ZNF585A: variants seen among roughly 807,000 people sequenced by gnomAD.
ZNF585A encodes zinc finger protein 585A.
ZNF585A carries 9 observed loss-of-function variants against 14.9 expected under a neutral mutation model. The ratio of observed to expected loss-of-function variants is 0.60; its 90% CI spans 0.36 to 1.05. The LOEUF (loss-of-function observed/expected upper bound fraction) is 1.05. Ranked by LOEUF, ZNF585A falls within the 50% of genes least tolerant of loss-of-function variation. The pLI is 0.01. For missense variants in ZNF585A, 726 were observed against 926.4 expected (o/e 0.78, Z 2.81); for synonymous variants, 276 against 319.9 (o/e 0.86, Z 1.46).
chr19:37,172,063 G>T (rs1972191602), intron 1 of ZNF585A, among the ~76,000 whole-genome samples: 1 of 152,040 alleles, frequency 6.6e-6, no homozygotes, highest in African/African-American at 2.4e-5. Flanking sequence ...TATATTTTTT[G>T]AATATATGCT....
intron 2 of ZNF585A, 114 bp downstream of exon 2, chr19:37,169,725 T>C (rs1972151452): frequency 9.0e-6 from 11 of 1,218,108 alleles, no homozygotes; most frequent in Non-Finnish European, 1.3e-5. Context: ...AGGTCTAGAG[T>C]CCAGCTGCTT....
chr19:37,151,762 T>C lies in ZNF585A; in HGVS notation c.2137A>G (p.Thr713Ala). 1.2e-6 allele frequency: 2 copies of C among 1,614,094 alleles called. No homozygotes were observed. Among genetic ancestry groups the C allele is most frequent in the Admixed American group, 1.7e-5 (1 of 60,006 alleles). Residue 713 changes from threonine to alanine, a missense_variant, in exon 5 of 5, where the codon ACT becomes GCT. Coordinates refer to ENST00000292841, the MANE Select transcript of ZNF585A (RefSeq NM_001288800.2). ...SQLQVHQRIH[T>A]GEKPYVCAEC... ...GCACACACGTAAGGCTTCTCTCCAG[T>C]GTGAATTCGCTGATGCACTTGGAGC...
At chr19:37,164,352 G>GAGATTGCA (rs1271732453) in intron 2 of ZNF585A, among the ~76,000 whole-genome samples, 2 of 151,804 alleles carry the variant, frequency 1.3e-5, no homozygotes, top group African/African-American at 2.4e-5. Context: ...GCAGTGAGCC[G>GAGATTGCA]AGATTGCACC....
At position 37,164,831 on chromosome 19, in the gene ZNF585A, C is replaced by T. The variant is rs569465575; in HGVS notation, c.72+5008G>A. 6.6e-5 allele frequency among the ~76,000 whole-genome samples: 10 copies of T among 152,234 alleles called. No homozygotes were observed. In the East Asian group the frequency reaches 1.9e-3, roughly 29 times the overall value. ...GTATCACAGGTGCCCCACCACCACACTCAGTTAATTTTGGTTTTTGTTGTA... is the reference window on the plus strand; with the variant it reads ...GTATCACAGGTGCCCCACCACCACATTCAGTTAATTTTGGTTTTTGTTGTA... On this transcript the variant is annotated intron_variant, in intron 2 of 4. Transcript: ENST00000292841.
In ZNF585A at chr19:37,148,862, AC is replaced by A. The variant is rs2145391895; in HGVS notation, c.*2726del. The A allele has an allele frequency of 6.6e-6, 1 of 152,310 alleles. No homozygotes were observed. The highest frequency in any genetic ancestry group is 2.4e-5 in the African/African-American group (1 of 41,584). The allele number at this position is 152,310 out of a possible 1,614,324, so 9.4% of individuals were successfully genotyped here. ...CAAGCCATGAAAAGACATGGAGGAAACTGAAATCCACATTACTAAGTGAAAG... is the reference window on the plus strand; with the variant it reads ...CAAGCCATGAAAAGACATGGAGGAAATGAAATCCACATTACTAAGTGAAAG... On this transcript the variant is annotated 3_prime_UTR_variant, in exon 5 of 5. Coordinates refer to ENST00000292841, the MANE Select transcript of ZNF585A (RefSeq NM_001288800.2).
intron 2 of ZNF585A, among the ~76,000 whole-genome samples, chr19:37,159,316 G>A (rs1971979894): frequency 1.3e-5 from 2 of 150,820 alleles, no homozygotes; most frequent in South Asian, 4.2e-4. Context: ...GACAATCGGT[G>A]AAAGGGATCT....
chr19:37,168,338 G>GC (rs1490240184), intron 2 of ZNF585A, among the ~76,000 whole-genome samples: 3 of 152,128 alleles, frequency 2.0e-5, no homozygotes, highest in African/African-American at 7.2e-5. Context: ...AGCTAGCCTG[G>GC]CAGGGGCCAG....
chr19:37,172,198 C>A (rs1210116290), intron 1 of ZNF585A, among the ~76,000 whole-genome samples: 1 of 152,104 alleles, frequency 6.6e-6, no homozygotes, highest in African/African-American at 2.4e-5. Flanking sequence ...GACCATTAAA[C>A]AGACATTACT....
intron 2 of ZNF585A, among the ~76,000 whole-genome samples, chr19:37,163,080 C>T (rs1362069372): frequency 6.6e-6 from 1 of 151,990 alleles, no homozygotes; most frequent in Non-Finnish European, 1.5e-5. Context: ...GAACCCCCAG[C>T]CCCCAAAACT....
intron 4 of ZNF585A, among the ~76,000 whole-genome samples, chr19:37,154,468 AGT>A (rs1271276812): frequency 6.6e-6 from 1 of 152,212 alleles, no homozygotes; most frequent in African/African-American, 2.4e-5. Flanking sequence ...TCATGATGAT[AGT>A]GTGTCTTAAA....
chr19:37,155,798 T>C, intron 4 of ZNF585A, 67 bp downstream of exon 4: 1 of 1,536,728 alleles, frequency 6.5e-7, no homozygotes, highest in Non-Finnish European at 9.0e-7. Context: ...AGGGTGTTGG[T>C]GTTTCTCAAG....
intron 2 of ZNF585A, among the ~76,000 whole-genome samples, chr19:37,156,853 G>A (rs933435972): frequency 2.0e-5 from 3 of 152,030 alleles, no homozygotes; most frequent in Non-Finnish European, 2.9e-5. Context: ...CACCATGCCC[G>A]GCTAATTTTT....
Position 37,153,613 on chromosome 19 carries a change from G to A in ZNF585A, c.293-7C>T. On this transcript the variant is annotated splice_region_variant and splice_polypyrimidine_tract_variant and intron_variant, in intron 4 of 4. Transcript: ENST00000292841. ...TGGTCCCATAATTTCTCTCCTGTTG[G>A]AATACACTCATGGTTACTATAGGAA... 6.3e-7 allele frequency: 1 copy of A among 1,592,434 alleles called. No individual in the cohort carries two copies. Among genetic ancestry groups the A allele is most frequent in the Non-Finnish European group, 8.6e-7 (1 of 1,165,930 alleles).
chr19:37,152,759 T>A lies in ZNF585A; in HGVS notation c.1140A>T (p.Lys380Asn). Residue 380 changes from lysine to asparagine, a missense_variant, in exon 5 of 5, where the codon AAA becomes AAT. Physicochemically the swap from Lys to Asn is moderately conservative, Grantham distance 94. This residue lies in a region of ZNF585A where 483 missense variants were observed against 542.8 expected (regional missense o/e 0.89). Coordinates refer to ENST00000292841, the MANE Select transcript of ZNF585A (RefSeq NM_001288800.2). ...IIHQRIHTGEKPYECSDCGKA... is the reference protein window; with the variant it reads ...IIHQRIHTGENPYECSDCGKA... ...TCCCACAGTCACTGCATTCATAAGG[T>A]TTCTCTCCAGTGTGAATTCTCTGAT... 6.2e-7 allele frequency: 1 copy of A among 1,614,150 alleles called. No homozygotes were observed. Among genetic ancestry groups the A allele is most frequent in the South Asian group, 1.1e-5 (1 of 91,078 alleles).
At position 37,152,662 on chromosome 19, in the gene ZNF585A, T is replaced by C. The variant is rs1971854965; in HGVS notation, c.1237A>G (p.Met413Val). 1.4e-5 allele frequency: 22 copies of C among 1,614,038 alleles called. No homozygotes were observed. The highest frequency in any genetic ancestry group is 1.9e-5 in the Non-Finnish European group (22 of 1,179,932). ...TGAATGAAGGCCAGTCCACATTTCATGCATATATACGATTTTTCTCCTGTA... is the reference window on the plus strand; with the variant it reads ...TGAATGAAGGCCAGTCCACATTTCACGCATATATACGATTTTTCTCCTGTA... ...IHTGEKSYIC[M>V]KCGLAFIQKA... The change falls in exon 5 of 5, where the codon ATG (methionine) becomes GTG (valine). Residue 413 changes from methionine (M) to valine (V), a missense_variant. Coordinates refer to ENST00000292841, the MANE Select transcript of ZNF585A (RefSeq NM_001288800.2).
At chr19:37,158,032 C>A (rs994922763) in intron 2 of ZNF585A, among the ~76,000 whole-genome samples, 1 of 151,672 alleles carries the variant, frequency 6.6e-6, no homozygotes, top group South Asian at 2.1e-4. Context: ...GGATTACAGG[C>A]GCACGCCACC....
chr19:37,159,952 G>C (rs1427898017), intron 2 of ZNF585A, among the ~76,000 whole-genome samples: 1 of 152,094 alleles, frequency 6.6e-6, no homozygotes, highest in Admixed American at 6.6e-5. Context: ...GTAAAGCAAG[G>C]CTGAGAGGGA....
At chr19:37,158,693 A>G (rs1489855388) in intron 2 of ZNF585A, among the ~76,000 whole-genome samples, 1 of 152,232 alleles carries the variant, frequency 6.6e-6, no homozygotes, top group Non-Finnish European at 1.5e-5. Flanking sequence ...GTGGACTTTC[A>G]CTAATTAAAA....
intron 1 of ZNF585A, among the ~76,000 whole-genome samples, chr19:37,170,664 C>T (rs562740450): frequency 3.9e-5 from 6 of 152,082 alleles, no homozygotes; most frequent in Admixed American, 2.6e-4. Flanking sequence ...TTGGTAAAGA[C>T]GAGGTTTCAC....
Sources: allele counts gnomAD v4.1 joint callset (sites outside exome capture counted in the v4.1 genomes callset), GRCh38; gene constraint gnomAD v4.1.1; regional missense constraint gnomAD v4.1.1; transcripts MANE v1.5; gene names NCBI Gene and HGNC (gene_info 2026-07-23, HGNC 2026-07-21).